The following MAML2 variants were observed in gnomAD, a reference collection of about 807,000 sequenced individuals.
The protein encoded by MAML2 is mastermind like transcriptional coactivator 2.
In MAML2, 22 loss-of-function variants were observed where a neutral mutation model predicts 96.1. The observed-to-expected ratio is 0.23, with a 90% CI of 0.16 to 0.33. The LOEUF is 0.33. Among genes scored for constraint, MAML2 ranks in the 10% least tolerant of loss-of-function variants. The pLI, the probability that MAML2 is intolerant of heterozygous loss-of-function variation, is 1.00. For missense variants in MAML2, 1,367 were observed against 1,392.4 expected, an observed-to-expected ratio of 0.98 and a Z score of 0.29; for synonymous variants, 561 against 521.3, an observed-to-expected ratio of 1.08 and a Z score of -1.04.
chr11:96,100,875 A>G (rs982125079), intron 1 of MAML2, among the ~76,000 whole-genome samples: 1 of 151,636 alleles, frequency 6.6e-6, no homozygotes, highest in Non-Finnish European at 1.5e-5. Context: ...CCACTGGAGT[A>G]GCTGGGACTA....
intron 1 of MAML2, among the ~76,000 whole-genome samples, chr11:96,224,970 C>T (rs929407647): frequency 2.0e-5 from 3 of 152,078 alleles, no homozygotes; most frequent in African/African-American, 7.2e-5. Flanking sequence ...AAAAGCACTT[C>T]TTATTGACAA....
intron 2 of MAML2, among the ~76,000 whole-genome samples, chr11:96,001,765 G>A (rs145456947): frequency 2.4e-4 from 37 of 152,192 alleles, no homozygotes; most frequent in Non-Finnish European, 5.0e-4. Flanking sequence ...TTGGGATCAC[G>A]TCCTAACTCC....
At chr11:96,193,603 T>C (rs1861688715) in intron 1 of MAML2, among the ~76,000 whole-genome samples, 1 of 152,152 alleles carries the variant, frequency 6.6e-6, no homozygotes, top group African/African-American at 2.4e-5. Flanking sequence ...AAAAGACAAA[T>C]TGTATTTTCT....
chr11:96,005,327 C>A (rs1422727090), intron 2 of MAML2, among the ~76,000 whole-genome samples: 4 of 152,184 alleles, frequency 2.6e-5, no homozygotes, highest in Non-Finnish European at 4.4e-5. Flanking sequence ...AACTGTAAAT[C>A]TTTTAAATTT....
intron 1 of MAML2, among the ~76,000 whole-genome samples, chr11:96,203,595 C>T (rs1861856066): frequency 6.6e-6 from 1 of 152,202 alleles, no homozygotes. Flanking sequence ...TATCCTTTCT[C>T]TTGAGGCACT....
At position 95,979,504 on chromosome 11, in the gene MAML2, G is replaced by T; in HGVS notation, c.2915C>A (p.Thr972Lys). Reference protein sequence around the residue: ...TAPNWASQEGTSKQQEALTSA... With the variant: ...TAPNWASQEGKSKQQEALTSA... ...CGTCAGGGCTTCTTGCTGTTTGCTTGTTCCTTCTTGAGAGGCCCAGTTTGG... is the reference window on the plus strand; with the variant it reads ...CGTCAGGGCTTCTTGCTGTTTGCTTTTTCCTTCTTGAGAGGCCCAGTTTGG... The change falls in exon 5 of 5, where the codon ACA becomes AAA. Residue 972 changes from threonine to lysine, a missense_variant. Physicochemically the swap from Thr to Lys is moderately conservative, Grantham distance 78. Transcript: ENST00000524717. 1.2e-6 allele frequency: 2 copies of T among 1,613,688 alleles called. No homozygotes were observed. Among genetic ancestry groups the T allele is most frequent in the Non-Finnish European group, 1.7e-6 (2 of 1,179,778 alleles).
At chr11:96,080,442 G>A (rs1859513113) in intron 2 of MAML2, among the ~76,000 whole-genome samples, 1 of 152,166 alleles carries the variant, frequency 6.6e-6, no homozygotes, top group South Asian at 2.1e-4. Flanking sequence ...TTTGATAAAG[G>A]TAAGACTCAA....
chr11:95,985,348 T>A (rs1047255109), intron 4 of MAML2, among the ~76,000 whole-genome samples, 183 bp downstream of exon 4: 3 of 152,206 alleles, frequency 2.0e-5, no homozygotes, highest in Non-Finnish European at 1.5e-5. Context: ...AGGGCATGAC[T>A]AAGCAAAAAC....
intron 1 of MAML2, among the ~76,000 whole-genome samples, chr11:96,133,678 G>T (rs1482785601): frequency 6.6e-6 from 1 of 152,168 alleles, no homozygotes; most frequent in East Asian, 1.9e-4. Context: ...AACCTTTAAA[G>T]GCTGTGTATA....
intron 1 of MAML2, among the ~76,000 whole-genome samples, chr11:96,287,353 C>T (rs1863154814): frequency 6.6e-6 from 1 of 152,178 alleles, no homozygotes; most frequent in Non-Finnish European, 1.5e-5. Flanking sequence ...TCTGACAAAA[C>T]CCCTCTGGAG....
At chr11:96,324,976 C>T (rs1273958474) in intron 1 of MAML2, among the ~76,000 whole-genome samples, 2 of 152,124 alleles carry the variant, frequency 1.3e-5, no homozygotes, top group African/African-American at 4.8e-5. Flanking sequence ...GTTTTCTCAT[C>T]TTGCCTTGTA....
intron 1 of MAML2, among the ~76,000 whole-genome samples, chr11:96,264,542 G>A (rs1245910588): frequency 2.0e-5 from 3 of 152,174 alleles, no homozygotes; most frequent in Middle Eastern, 3.2e-3. Flanking sequence ...TTAGGAGTCA[G>A]GTTCTATTCC....
At chr11:96,099,453 C>A (rs1232871798) in intron 1 of MAML2, among the ~76,000 whole-genome samples, 1 of 152,136 alleles carries the variant, frequency 6.6e-6, no homozygotes, top group Admixed American at 6.5e-5. Flanking sequence ...AAGATCTGAG[C>A]TTCCTTGTAT....
At chr11:95,984,420 C>T (rs1857792304) in intron 4 of MAML2, among the ~76,000 whole-genome samples, 2 of 152,182 alleles carry the variant, frequency 1.3e-5, no homozygotes, top group East Asian at 3.9e-4. Flanking sequence ...GCGAAGTAAT[C>T]TTAGAGAGTG....
chr11:96,284,612 G>C (rs1020037879), intron 1 of MAML2, among the ~76,000 whole-genome samples: 1 of 152,164 alleles, frequency 6.6e-6, no homozygotes, highest in Non-Finnish European at 1.5e-5. Flanking sequence ...AAGTAACTGT[G>C]ACACCATTTG....
At chr11:96,240,536 C>T (rs1166179204) in intron 1 of MAML2, among the ~76,000 whole-genome samples, 6 of 86,742 alleles carry the variant, frequency 6.9e-5, no homozygotes, top group East Asian at 3.4e-4. Flanking sequence ...CCGGCCTGGG[C>T]GACAGAGCGA....
intron 1 of MAML2, among the ~76,000 whole-genome samples, chr11:96,121,895 T>C (rs541455734): frequency 7.0e-6 from 1 of 142,110 alleles, no homozygotes; most frequent in South Asian, 2.3e-4. Context: ...CACGCGATTC[T>C]GCTGCTCCAG....
At chr11:96,273,977 TATC>T (rs1862948424) in intron 1 of MAML2, among the ~76,000 whole-genome samples, 1 of 152,096 alleles carries the variant, frequency 6.6e-6, no homozygotes, top group South Asian at 2.1e-4. Flanking sequence ...TATAAGATAG[TATC>T]ATCCTGTTAT....
chr11:96,341,115 G>A (rs1385825904), intron 1 of MAML2, among the ~76,000 whole-genome samples: 1 of 152,110 alleles, frequency 6.6e-6, no homozygotes, highest in East Asian at 1.9e-4. Flanking sequence ...TTTATAAGAT[G>A]TGGACCCCAG....
Sources: allele counts gnomAD v4.1 joint callset (sites outside exome capture counted in the v4.1 genomes callset), GRCh38; gene constraint gnomAD v4.1.1; transcripts MANE v1.5; gene names NCBI Gene and HGNC (gene_info 2026-07-23, HGNC 2026-07-21).